Variants in MCM5 observed in about 807,000 individuals in gnomAD.
The protein encoded by MCM5 is DNA replication licensing factor MCM5.
MCM5 carries 46 observed loss-of-function variants against 79.9 expected under a neutral mutation model. That is an observed-to-expected ratio of 0.58 (90% confidence interval 0.45 to 0.74). The LOEUF (loss-of-function observed/expected upper bound fraction) is 0.74, where lower values mean the gene tolerates loss of function less well. Ranked by LOEUF, MCM5 falls within the 30% of genes least tolerant of loss-of-function variation. The pLI, the probability that MCM5 is intolerant of heterozygous loss-of-function variation, is 0.00. For synonymous variants in MCM5, 404 were observed against 390.5 expected (o/e 1.03, Z -0.41); for missense variants, 883 against 1,017.0 (o/e 0.87, Z 1.79).
downstream of MCM5, among the ~76,000 whole-genome samples, chr22:35,430,158 A>G (rs1601768051): frequency 6.6e-6 from 1 of 152,156 alleles, no homozygotes; most frequent in African/African-American, 2.4e-5. Flanking sequence ...GCCTGCAGAG[A>G]ATGGGAGAGA....
In MCM5 at chr22:35,419,938, C is replaced by T. The variant is rs370979378; in HGVS notation, c.1758C>T (p.Tyr586=). The change falls in exon 14 of 17, where the codon TAC becomes TAT. Residue 586 remains tyrosine (Y), a synonymous_variant. Coordinates refer to ENST00000216122, the MANE Select transcript of MCM5 (RefSeq NM_006739.4). The stretch of plus-strand genomic sequence containing the variant: ...CTGCAGAGAAACTGAAGAACCGCTA[C>T]ATCATCATGCGGAGCGGGGCCCGTC... ...AEAAEKLKNR[Y]IIMRSGARQH... 1.2e-5 allele frequency: 20 copies of T among 1,613,298 alleles called. No individual in the cohort carries two copies. Among genetic ancestry groups the T allele is most frequent in the Non-Finnish European group, 1.2e-5 (14 of 1,179,748 alleles).
chr22:35,433,479 C>T, the MCM5 span, among the ~76,000 whole-genome samples: 1 of 152,214 alleles, frequency 6.6e-6, no homozygotes, highest in Non-Finnish European at 1.5e-5. Flanking sequence ...AACTCAGACC[C>T]CTCGGCTCTT....
rs1338736671 is a variant in MCM5, at chr22:35,423,202, C to G, written c.1976-12C>G. ...CCAGCTCCCCGGCTGCCTCACTTCT[C>G]CATGCCCACAGGGGTGGAGGGCTTC... On this transcript the variant is annotated splice_polypyrimidine_tract_variant and intron_variant, in intron 15 of 16. Coordinates refer to ENST00000216122, the MANE Select transcript of MCM5 (RefSeq NM_006739.4). The G allele has an allele frequency of 3.9e-6, 6 of 1,553,412 alleles. No individual in the cohort carries two copies. Among genetic ancestry groups the G allele is most frequent in the Non-Finnish European group, 4.4e-6 (5 of 1,142,390 alleles).
chr22:35,421,637 T>C (rs760339890), intron 15 of MCM5, 177 bp downstream of exon 15: 3 of 800,570 alleles, frequency 3.7e-6, no homozygotes, highest in Non-Finnish European at 2.1e-6. Context: ...TCCCCACCGC[T>C]GTTTCCTCCA....
At chr22:35,431,695 T>C in the MCM5 span, among the ~76,000 whole-genome samples, 1 of 152,064 alleles carries the variant, frequency 6.6e-6, no homozygotes, top group African/African-American at 2.4e-5. Context: ...CCCACTGCCA[T>C]CCCTGTCAAA....
chr22:35,406,779 A>G, intron 5 of MCM5, 54 bp downstream of exon 5: 2 of 1,577,632 alleles, frequency 1.3e-6, no homozygotes, highest in Non-Finnish European at 1.7e-6. Context: ...AAGATCAGAA[A>G]GGATGAGAAC....
the MCM5 span, among the ~76,000 whole-genome samples, chr22:35,453,819 T>TATATATATATAGAG: frequency 1.6e-3 from 131 of 81,524 alleles, no homozygotes; most frequent in Non-Finnish European, 2.2e-3. Flanking sequence ...TATATATATA[T>TATATATATATAGAG]AGAGAGAGAG....
chr22:35,437,331 A>C, the MCM5 span, among the ~76,000 whole-genome samples: 117 of 152,302 alleles, frequency 7.7e-4, no homozygotes, highest in Middle Eastern at 3.4e-3. Context: ...GATTTGATTC[A>C]TGGACACCAA....
chr22:35,447,304 G>T, the MCM5 span, among the ~76,000 whole-genome samples: 1 of 152,144 alleles, frequency 6.6e-6, no homozygotes, highest in Non-Finnish European at 1.5e-5. Context: ...CCCACATGAG[G>T]GTTCTGCTGC....
the MCM5 span, among the ~76,000 whole-genome samples, chr22:35,453,819 T>TATATATATATAGAGAG: frequency 1.7e-4 from 14 of 81,548 alleles, no homozygotes; most frequent in Admixed American, 4.0e-4. Context: ...TATATATATA[T>TATATATATATAGAGAG]AGAGAGAGAG....
rs1932193023 is a variant in MCM5 at position 35,405,743 on chromosome 22, C to T, written c.424-810C>T. 2.6e-5 allele frequency among the ~76,000 whole-genome samples: 4 copies of T among 152,160 alleles called. No individual in the cohort carries two copies. The South Asian group carries it at 8.3e-4, about 32-fold the overall frequency. On this transcript the variant is annotated intron_variant, in intron 4 of 16. Coordinates refer to ENST00000216122, the MANE Select transcript of MCM5 (RefSeq NM_006739.4). ...TTAACATTACGGCCGGGCGCGGTGG[C>T]TCATGCCTGTAATCCCAGCATTTTG...
At chr22:35,414,076 G>T in intron 9 of MCM5, 90 bp downstream of exon 9, 1 of 789,316 alleles carries the variant, frequency 1.3e-6, no homozygotes, top group Non-Finnish European at 2.2e-6. Context: ...ACCTGTGGTG[G>T]GCTGGCTCAC....
intron 5 of MCM5, among the ~76,000 whole-genome samples, chr22:35,407,631 T>G (rs1313932188): frequency 6.6e-6 from 1 of 152,244 alleles, no homozygotes; most frequent in Non-Finnish European, 1.5e-5. Flanking sequence ...TTCCTCAAGC[T>G]ACCATAGTCT....
At chr22:35,431,974 C>T in the MCM5 span, among the ~76,000 whole-genome samples, 2 of 152,148 alleles carry the variant, frequency 1.3e-5, no homozygotes, top group Non-Finnish European at 2.9e-5. Flanking sequence ...CCAGAAGGAA[C>T]GTGGTGGCAT....
At chr22:35,410,482 C>T (rs1248198083) in intron 6 of MCM5, 15 of 443,682 alleles carry the variant, frequency 3.4e-5, no homozygotes, top group South Asian at 2.0e-4. Context: ...GCGAGTTCAG[C>T]GAGAGTCAGG....
At chr22:35,401,992 C>G (rs1932068471) in intron 2 of MCM5, among the ~76,000 whole-genome samples, 1 of 152,138 alleles carries the variant, frequency 6.6e-6, no homozygotes, top group African/African-American at 2.4e-5. Flanking sequence ...TTTACTGGCT[C>G]CTGGACATAA....
chr22:35,406,658 A>C lies in MCM5; in HGVS notation c.529A>C (p.Asn177His), dbSNP rs1932226903. Reference protein sequence around the residue: ...RISIQCRSCRNTLTNIAMRPG... With the variant: ...RISIQCRSCRHTLTNIAMRPG... Reference sequence around the variant, plus strand: ...CTCTATCCAGTGCCGCAGCTGCCGCAACACCCTCACCAACATTGCCATGCG... The same window carrying C: ...CTCTATCCAGTGCCGCAGCTGCCGCCACACCCTCACCAACATTGCCATGCG... Residue 177 changes from asparagine (N) to histidine (H), a missense_variant, in exon 5 of 17, where the codon AAC becomes CAC. Transcript: ENST00000216122. The C allele has an allele frequency of 6.2e-7, 1 of 1,612,246 alleles. No homozygotes were observed. The highest frequency in any genetic ancestry group is 8.5e-7 in the Non-Finnish European group (1 of 1,180,024).
At chr22:35,419,366 C>T (rs921506277) in intron 13 of MCM5, among the ~76,000 whole-genome samples, 1 of 152,174 alleles carries the variant, frequency 6.6e-6, no homozygotes, top group Non-Finnish European at 1.5e-5. Flanking sequence ...ATCAGACTTC[C>T]CCACACCTAC....
downstream of MCM5, among the ~76,000 whole-genome samples, chr22:35,427,759 T>C (rs1287567071): frequency 6.6e-6 from 1 of 151,792 alleles, no homozygotes; most frequent in Non-Finnish European, 1.5e-5. Context: ...AAGGTAGATA[T>C]TTATTTTAAG....
Sources: allele counts gnomAD v4.1 joint callset (sites outside exome capture counted in the v4.1 genomes callset), GRCh38; gene constraint gnomAD v4.1.1; transcripts MANE v1.5; gene names NCBI Gene and HGNC (gene_info 2026-07-23, HGNC 2026-07-21).